CLCN5: variants seen among roughly 807,000 people sequenced by gnomAD.
The protein encoded by CLCN5 is Cl-/H+ antiporter 5.
A neutral mutation model predicts 54.0 loss-of-function variants in CLCN5; 17 were observed. That is an observed-to-expected ratio of 0.31 (90% confidence interval 0.22 to 0.47). The LOEUF (loss-of-function observed/expected upper bound fraction) is 0.47. Among genes scored for constraint, CLCN5 ranks in the 20% least tolerant of loss-of-function variants. The pLI is 1.00. For missense variants in CLCN5, 448 were observed against 646.7 expected (o/e 0.69, Z 3.33); for synonymous variants, 222 against 233.0 (o/e 0.95, Z 0.43).
intron 4 of CLCN5, among the ~76,000 whole-genome samples, chrX:50,066,264 T>G (rs1201375144): frequency 1.8e-5 from 2 of 108,980 alleles, no homozygotes; most frequent in African/African-American, 6.7e-5. Flanking sequence ...TACAGCAATG[T>G]AGCTCATGGC....
rs1219521385 is a variant in CLCN5, at chrX:50,092,850, T to G, written c.*631T>G. ...AGACAATGCTGCTTTGGTTAATCTC[T>G]TCTAAATGAATTTAGAGAGATTGAC... On this transcript the variant is annotated 3_prime_UTR_variant, in exon 15 of 15. Coordinates refer to ENST00000376091, the MANE Select transcript of CLCN5 (RefSeq NM_001127898.4). 8.8e-6 allele frequency: 1 copy of G among 113,473 alleles called. No homozygotes were observed. Among genetic ancestry groups the G allele is most frequent in the East Asian group, 2.8e-4 (1 of 3,620 alleles). 9.4% of individuals were successfully genotyped at this position (113,473 alleles called of 1,213,427 possible).
At chrX:49,978,658 AC>A (rs1311953824) in intron 3 of CLCN5, among the ~76,000 whole-genome samples, 1 of 112,558 alleles carries the variant, frequency 8.9e-6, no homozygotes, top group Non-Finnish European at 1.9e-5. Flanking sequence ...TTTTTAAAAA[AC>A]ATGTCCATGT....
At chrX:50,027,623 A>G (rs950250449) in intron 3 of CLCN5, among the ~76,000 whole-genome samples, 1 of 111,311 alleles carries the variant, frequency 9.0e-6, no homozygotes, top group Non-Finnish European at 1.9e-5. Flanking sequence ...CGTGTTGTCC[A>G]CTTTTTCCAT....
chrX:49,983,958 A>C (rs1180598945), intron 3 of CLCN5, among the ~76,000 whole-genome samples: 3 of 110,433 alleles, frequency 2.7e-5, no homozygotes, highest in African/African-American at 9.8e-5. Flanking sequence ...TTACTCATTT[A>C]TTTTTCCTAC....
chrX:50,001,837 T>A (rs1929835889), intron 3 of CLCN5, among the ~76,000 whole-genome samples: 1 of 111,024 alleles, frequency 9.0e-6, no homozygotes, highest in African/African-American at 3.3e-5. Flanking sequence ...AACTGTAACC[T>A]GCAGCACTTA....
chrX:49,940,222 C>G (rs1926254292), intron 3 of CLCN5, among the ~76,000 whole-genome samples: 1 of 111,963 alleles, frequency 8.9e-6, no homozygotes, highest in South Asian at 3.7e-4. Context: ...TCATACTCCA[C>G]TCTCCAAAGT....
intron 3 of CLCN5, among the ~76,000 whole-genome samples, chrX:49,980,477 A>T (rs1221818016): frequency 3.6e-5 from 4 of 112,052 alleles, no homozygotes; most frequent in African/African-American, 1.3e-4. Context: ...GTTGCCTAAC[A>T]AATAGATTAG....
At chrX:50,052,779 G>A (rs1189707455) in intron 4 of CLCN5, among the ~76,000 whole-genome samples, 1 of 111,395 alleles carries the variant, frequency 9.0e-6, no homozygotes. Context: ...TAATAATAAG[G>A]TATTGTATGC....
chrX:49,964,048 C>A lies in CLCN5; in HGVS notation c.16+38734C>A, dbSNP rs185160936. ...TGCTTTGGCCTGGAAGGATGTTTGT[C>A]CAGCAACCATTTATTGAGCACCAAC... On this transcript the variant is annotated intron_variant, in intron 3 of 14. Coordinates refer to ENST00000376091, the MANE Select transcript of CLCN5 (RefSeq NM_001127898.4). Among the ~76,000 whole-genome samples, 7 of 111,922 alleles carry A rather than the reference C, an allele frequency of 6.3e-5. No homozygotes were observed. In the East Asian group the frequency reaches 1.7e-3, roughly 27 times the overall value.
chrX:50,086,870 G>A lies in CLCN5; in HGVS notation c.1557G>A (p.Lys519=). The A allele has an allele frequency of 8.3e-7, 1 of 1,209,971 alleles. No individual in the cohort carries two copies. Residue 519 remains lysine, a splice_region_variant and synonymous_variant, in exon 11 of 15, where the codon AAG becomes AAA. Transcript: ENST00000376091. ...TTACTATATTCACCTTTGGCATGAA[G>A]GTGAGGAATTCTTTTGGGACTCAGT... ...IVITIFTFGM[K]IPSGLFIPSM...
chrX:50,003,952 G>C (rs1930017666), intron 3 of CLCN5, among the ~76,000 whole-genome samples: 2 of 111,990 alleles, frequency 1.8e-5, no homozygotes, highest in Non-Finnish European at 3.8e-5. Context: ...GAGGAAAATT[G>C]TGTCTATATC....
chrX:50,065,384 T>G lies in CLCN5; in HGVS notation c.164-4495T>G, dbSNP rs1412868888. On this transcript the variant is annotated intron_variant, in intron 4 of 14. Transcript: ENST00000376091. ...ACAGACACTTCTCAAAAGAAGACAT[T>G]TATGCAGCCAAAAAACACATGAAGA... is the stretch of plus-strand genomic sequence containing the variant. 8.1e-5 allele frequency among the ~76,000 whole-genome samples: 6 copies of G among 74,374 alleles called. No homozygotes were observed. In the Admixed American group the frequency reaches 8.3e-4, roughly 10 times the overall value. The allele number at this position is 74,374 out of a possible 115,157, so 64.6% of individuals were successfully genotyped here.
intron 3 of CLCN5, among the ~76,000 whole-genome samples, chrX:49,984,951 T>C (rs966792934): frequency 1.8e-5 from 2 of 110,105 alleles, no homozygotes; most frequent in African/African-American, 6.6e-5. Flanking sequence ...TTAGATTCTT[T>C]CTCTCATTTT....
At chrX:50,083,801 T>A (rs968569040) in intron 9 of CLCN5, among the ~76,000 whole-genome samples, 3 of 112,405 alleles carry the variant, frequency 2.7e-5, no homozygotes, top group African/African-American at 9.7e-5. Context: ...TTTCTGTGTT[T>A]GAAATTTTTT....
At chrX:49,995,325 G>C (rs868980281) in intron 3 of CLCN5, among the ~76,000 whole-genome samples, 3 of 112,075 alleles carry the variant, frequency 2.7e-5, no homozygotes, top group African/African-American at 6.5e-5. Context: ...TTTTGGGCCC[G>C]TGAAATGGCA....
chrX:50,090,925 G>A (rs782110298), intron 14 of CLCN5, 39 bp downstream of exon 14: 83 of 1,065,356 alleles, frequency 7.8e-5, no homozygotes, highest in Non-Finnish European at 9.9e-5. Flanking sequence ...AATTGTGGGA[G>A]AAAGAGAATG....
At chrX:49,932,224 C>T (rs7056164) in intron 3 of CLCN5, among the ~76,000 whole-genome samples, 1,637 of 111,855 alleles carry the variant, frequency 0.015, 30 homozygotes, top group African/African-American at 0.049. Flanking sequence ...ACCCATCTCT[C>T]TCTTTTTAAC....
intron 4 of CLCN5, chrX:50,050,220 G>T (rs1932530627): frequency 9.0e-6 from 1 of 111,636 alleles, no homozygotes; most frequent in African/African-American, 3.3e-5. Context: ...AGTATTTAGG[G>T]GTGCGATTGT....
chrX:49,950,251 C>T (rs1557172822), intron 3 of CLCN5, among the ~76,000 whole-genome samples: 1 of 111,924 alleles, frequency 8.9e-6, no homozygotes, highest in African/African-American at 3.2e-5. Flanking sequence ...TTTTCCATTG[C>T]TCCCAGCTGC....
Sources: gnomAD v4.1 joint callset for allele counts (sites outside exome capture counted in the v4.1 genomes callset) on GRCh38, gnomAD v4.1.1 for gene constraint, MANE v1.5 for transcripts, NCBI Gene and HGNC (gene_info 2026-07-23, HGNC 2026-07-21) for gene names.